The following PTPRM variants were observed in gnomAD, a reference collection of about 807,000 sequenced individuals.
PTPRM encodes receptor-type tyrosine-protein phosphatase mu.
Under a neutral mutation model 186.7 loss-of-function variants are expected in PTPRM, and 47 were observed. That is an observed-to-expected ratio of 0.25 (90% CI 0.20 to 0.32). PTPRM has a LOEUF of 0.32. Ranked by LOEUF, PTPRM falls within the 10% of genes least tolerant of loss-of-function variation. The pLI is 1.00. For missense variants in PTPRM, 1,494 were observed against 1,865.0 expected (o/e 0.80, Z 3.66); for synonymous variants, 668 against 674.9 (o/e 0.99, Z 0.16).
intron 2 of PTPRM, among the ~76,000 whole-genome samples, chr18:7,886,598 T>C (rs2048799982): frequency 6.6e-6 from 1 of 152,132 alleles, no homozygotes; most frequent in Non-Finnish European, 1.5e-5. Flanking sequence ...TGAAGAAACA[T>C]GGGGTTACTG....
chr18:7,820,041 A>G (rs1249500953), intron 2 of PTPRM, among the ~76,000 whole-genome samples: 2 of 152,210 alleles, frequency 1.3e-5, no homozygotes, highest in African/African-American at 4.8e-5. Context: ...TGCGTTGCTA[A>G]TAAATACTTT....
At chr18:7,993,497 A>G (rs1004070205) in intron 7 of PTPRM, among the ~76,000 whole-genome samples, 2 of 152,132 alleles carry the variant, frequency 1.3e-5, no homozygotes, top group Non-Finnish European at 2.9e-5. Flanking sequence ...GTCACATGTA[A>G]GAGAATTCCC....
chr18:8,047,316 G>T (rs1005434199), intron 7 of PTPRM, among the ~76,000 whole-genome samples: 1 of 151,980 alleles, frequency 6.6e-6, no homozygotes, highest in Non-Finnish European at 1.5e-5. Flanking sequence ...AATTTTTGTG[G>T]CAAATAAACA....
chr18:7,916,627 GTTATT>G lies in PTPRM; in HGVS notation c.548-9932_548-9928del, dbSNP rs201382696. ...AGTCCTTTTCTTTTTTAAAAAAAAT[GTTATT>G]TTATTTTAAATAATAAAAACAAAAA... On this transcript the variant is annotated intron_variant, in intron 4 of 32. Coordinates refer to ENST00000580170, the MANE Select transcript of PTPRM (RefSeq NM_001105244.2). Among the ~76,000 whole-genome samples the G allele has an allele frequency of 5.7e-3, 865 of 151,954 alleles. 11 individuals carry two copies. Among genetic ancestry groups the G allele is most frequent in the African/African-American group, 0.02 (831 of 41,474 alleles).
intron 7 of PTPRM, among the ~76,000 whole-genome samples, chr18:7,988,421 ATATT>A (rs1248732745): frequency 6.6e-6 from 1 of 152,186 alleles, no homozygotes; most frequent in Non-Finnish European, 1.5e-5. Context: ...ATACATAAAA[ATATT>A]TATCAGTTTA....
chr18:8,004,619 C>T (rs1284217081), intron 7 of PTPRM, among the ~76,000 whole-genome samples: 7 of 151,920 alleles, frequency 4.6e-5, no homozygotes, highest in South Asian at 4.2e-4. Flanking sequence ...GAGGGAAAGC[C>T]GATGGCATCA....
chr18:7,679,233 T>C (rs543342688), intron 1 of PTPRM, among the ~76,000 whole-genome samples: 1 of 152,378 alleles, frequency 6.6e-6, no homozygotes, highest in Non-Finnish European at 1.5e-5. Flanking sequence ...TAGGAAGATA[T>C]ACTGTTTAAG....
At chr18:7,989,505 A>G (rs1458468271) in intron 7 of PTPRM, among the ~76,000 whole-genome samples, 1 of 152,180 alleles carries the variant, frequency 6.6e-6, no homozygotes, top group Non-Finnish European at 1.5e-5. Flanking sequence ...GTTCTTACTT[A>G]TAATAAGAAG....
Position 8,394,503 on chromosome 18 carries a change from C to T in PTPRM, c.4236C>T (p.Phe1412=), listed in dbSNP as rs1295317797. 6.2e-7 allele frequency: 1 copy of T among 1,613,262 alleles called. No individual in the cohort carries two copies. Among genetic ancestry groups the T allele is most frequent in the East Asian group, 2.2e-5 (1 of 44,820 alleles). Residue 1412 remains phenylalanine (F), a synonymous_variant, in exon 32 of 33, where the codon TTC becomes TTT. Coordinates refer to ENST00000580170, the MANE Select transcript of PTPRM (RefSeq NM_001105244.2). The stretch of plus-strand genomic sequence containing the variant: ...ACGGGGGAGGCCGCAGTGGGACGTT[C>T]TGCGCCATCAGCATCGTATGTGAGA... ...CLNGGGRSGT[F]CAISIVCEML... is the part of the protein sequence containing the mutation.
intron 19 of PTPRM, among the ~76,000 whole-genome samples, chr18:8,295,156 A>G (rs2095082234): frequency 1.3e-5 from 2 of 152,322 alleles, no homozygotes; most frequent in African/African-American, 4.8e-5. Context: ...TCAGAATACT[A>G]TGCAGCACAC....
chr18:8,186,861 G>T (rs1487898344), intron 14 of PTPRM, among the ~76,000 whole-genome samples: 2 of 152,016 alleles, frequency 1.3e-5, no homozygotes, highest in Non-Finnish European at 2.9e-5. Context: ...GGTAACAGAG[G>T]AGTGACGTGC....
At chr18:8,290,658 A>G (rs1395447029) in intron 19 of PTPRM, among the ~76,000 whole-genome samples, 3 of 152,168 alleles carry the variant, frequency 2.0e-5, no homozygotes, top group African/African-American at 4.8e-5. Flanking sequence ...TGGGGAAGTC[A>G]TTGGTATTCA....
chr18:8,043,115 A>G (rs2086795743), intron 7 of PTPRM, among the ~76,000 whole-genome samples: 1 of 152,126 alleles, frequency 6.6e-6, no homozygotes, highest in Non-Finnish European at 1.5e-5. Context: ...TGAAGAGAAC[A>G]TACAGCTCAG....
chr18:7,827,413 G>T (rs2045542713), intron 2 of PTPRM, among the ~76,000 whole-genome samples: 1 of 152,116 alleles, frequency 6.6e-6, no homozygotes, highest in African/African-American at 2.4e-5. Context: ...AAAATAAAAT[G>T]TGCATCTTCA....
chr18:8,312,232 G>A (rs776623667), intron 20 of PTPRM, among the ~76,000 whole-genome samples: 2 of 152,086 alleles, frequency 1.3e-5, no homozygotes, highest in Non-Finnish European at 2.9e-5. Flanking sequence ...TTGCATGTAG[G>A]CACTGGCTCT....
intron 2 of PTPRM, among the ~76,000 whole-genome samples, chr18:7,854,867 C>T (rs972254604): frequency 4.0e-5 from 6 of 151,782 alleles, no homozygotes; most frequent in East Asian, 1.9e-4. Context: ...TTCATCCAGC[C>T]GACCTAGACT....
chr18:7,713,363 G>A (rs2040252533), intron 1 of PTPRM, among the ~76,000 whole-genome samples: 1 of 152,034 alleles, frequency 6.6e-6, no homozygotes, highest in Non-Finnish European at 1.5e-5. Context: ...GAGAGCTCCT[G>A]AACGAAGTAC....
intron 2 of PTPRM, among the ~76,000 whole-genome samples, chr18:7,847,130 T>C (rs907774652): frequency 5.3e-5 from 8 of 150,656 alleles, no homozygotes; most frequent in Non-Finnish European, 1.0e-4. Flanking sequence ...AGGGGTATTC[T>C]AGTCTAGCTG....
At chr18:7,724,303 T>C (rs906319338) in intron 1 of PTPRM, among the ~76,000 whole-genome samples, 4 of 152,248 alleles carry the variant, frequency 2.6e-5, no homozygotes, top group African/African-American at 9.6e-5. Flanking sequence ...AAGACAATCA[T>C]GATCGTTTCT....
Sources: gnomAD v4.1 joint callset for allele counts (sites outside exome capture counted in the v4.1 genomes callset) on GRCh38, gnomAD v4.1.1 for gene constraint, MANE v1.5 for transcripts, NCBI Gene and HGNC (gene_info 2026-07-23, HGNC 2026-07-21) for gene names.